Variants in KCNH8 observed in about 807,000 individuals in gnomAD.
KCNH8 encodes the protein voltage-gated delayed rectifier potassium channel KCNH8.
A neutral mutation model predicts 103.6 loss-of-function variants in KCNH8; 70 were observed. The observed-to-expected ratio is 0.68, with a 90% CI of 0.56 to 0.82. KCNH8 has a LOEUF of 0.82. Ranked by LOEUF, KCNH8 falls within the 40% of genes least tolerant of loss-of-function variation. The probability of loss-of-function intolerance (pLI) is 0.00; values close to 1 mark genes in which losing one functional copy is unlikely to be tolerated. For missense variants in KCNH8, 1,217 were observed against 1,329.9 expected (o/e 0.92, Z 1.32); for synonymous variants, 498 against 489.4 (o/e 1.02, Z -0.23).
chr3:19,384,176 G>T (rs1014110680), intron 5 of KCNH8, among the ~76,000 whole-genome samples: 1 of 152,164 alleles, frequency 6.6e-6, no homozygotes, highest in Admixed American at 6.5e-5. Flanking sequence ...AAGATCCACT[G>T]GTAGTGTGCA....
chr3:19,332,274 T>C (rs1361952697), intron 3 of KCNH8, among the ~76,000 whole-genome samples: 1 of 152,178 alleles, frequency 6.6e-6, no homozygotes, highest in African/African-American at 2.4e-5. Context: ...CTACCATCCC[T>C]AACCCTACTA....
At chr3:19,432,453 G>A (rs1487310028) in intron 7 of KCNH8, among the ~76,000 whole-genome samples, 1 of 152,082 alleles carries the variant, frequency 6.6e-6, no homozygotes, top group Non-Finnish European at 1.5e-5. Flanking sequence ...AAGGAAATTT[G>A]GGGCAGATTA....
intron 1 of KCNH8, among the ~76,000 whole-genome samples, chr3:19,173,358 T>G (rs1161512580): frequency 2.0e-5 from 3 of 152,050 alleles, no homozygotes; most frequent in Non-Finnish European, 4.4e-5. Context: ...AGTGCCCGGA[T>G]TTTTCCTAGT....
At chr3:19,464,732 C>T (rs984430868) in intron 11 of KCNH8, among the ~76,000 whole-genome samples, 1 of 152,084 alleles carries the variant, frequency 6.6e-6, no homozygotes, top group African/African-American at 2.4e-5. Context: ...AGGCACTTTT[C>T]AAGTGGCTGA....
intron 5 of KCNH8, among the ~76,000 whole-genome samples, chr3:19,372,701 G>A (rs921653612): frequency 1.3e-5 from 2 of 152,220 alleles, no homozygotes; most frequent in South Asian, 2.1e-4. Context: ...GTTTTCAAAG[G>A]GAATGCTTCC....
rs140589197 is a variant in KCNH8, at chr3:19,334,121, G to A, written c.443-8466G>A. The stretch of plus-strand genomic sequence containing the variant: ...GGCAGAGGCCCCTCATTACAGTCCC[G>A]TATGGACCGTCATTGAATGCAGGAT... On this transcript the variant is annotated intron_variant, in intron 3 of 15. Transcript: ENST00000328405. Among the ~76,000 whole-genome samples the A allele has an allele frequency of 1.2e-3, 179 of 151,754 alleles. 1 individual carries two copies. The highest frequency in any genetic ancestry group is 3.3e-3 in the African/African-American group (139 of 41,536).
intron 15 of KCNH8, among the ~76,000 whole-genome samples, chr3:19,519,662 ACAAAACAAAAAAAACACCGAAACC>A (rs1559369275): frequency 6.6e-6 from 1 of 151,734 alleles, no homozygotes; most frequent in Non-Finnish European, 1.5e-5. Flanking sequence ...AAACAAAAAA[ACAAAACAAAAAAAACACCGAAACC>A]CAAAACAAAA....
At chr3:19,513,867 C>T (rs2068829134) in intron 13 of KCNH8, among the ~76,000 whole-genome samples, 1 of 151,908 alleles carries the variant, frequency 6.6e-6, no homozygotes, top group Admixed American at 6.6e-5. Flanking sequence ...CTTTAGAATC[C>T]ACTAAAGGTG....
intron 1 of KCNH8, among the ~76,000 whole-genome samples, chr3:19,171,988 T>G (rs1024820465): frequency 1.3e-5 from 2 of 152,132 alleles, no homozygotes; most frequent in Non-Finnish European, 2.9e-5. Flanking sequence ...GTGATTCCCT[T>G]TCTCAATCAT....
intron 1 of KCNH8, among the ~76,000 whole-genome samples, chr3:19,181,851 A>T (rs905791870): frequency 2.0e-5 from 3 of 152,210 alleles, no homozygotes; most frequent in African/African-American, 7.2e-5. Flanking sequence ...TGATCTAGAA[A>T]TCTTGTTACA....
intron 1 of KCNH8, among the ~76,000 whole-genome samples, chr3:19,205,708 A>G (rs1477990858): frequency 6.6e-6 from 1 of 152,048 alleles, no homozygotes; most frequent in African/African-American, 2.4e-5. Flanking sequence ...GTCTAAAAAT[A>G]TGTATGAAAT....
At chr3:19,247,322 A>T (rs1559441306) in intron 1 of KCNH8, among the ~76,000 whole-genome samples, 1 of 152,246 alleles carries the variant, frequency 6.6e-6, no homozygotes, top group East Asian at 1.9e-4. Flanking sequence ...CTTGGAAATG[A>T]TGCAGTTAAG....
At chr3:19,206,212 C>CATACCACAGTTATATATATAT (rs2063714293) in intron 1 of KCNH8, among the ~76,000 whole-genome samples, 4 of 133,946 alleles carry the variant, frequency 3.0e-5, no homozygotes, top group African/African-American at 1.4e-4. Flanking sequence ...TGTATATATA[C>CATACCACAGTTATATATATAT]ATACCACAGT....
chr3:19,223,690 G>T (rs1056341235), intron 1 of KCNH8, among the ~76,000 whole-genome samples: 1 of 152,018 alleles, frequency 6.6e-6, no homozygotes, highest in Non-Finnish European at 1.5e-5. Flanking sequence ...GACCATTTCG[G>T]TGACATCATC....
At chr3:19,395,806 C>T (rs1267465246) in intron 7 of KCNH8, among the ~76,000 whole-genome samples, 1 of 152,006 alleles carries the variant, frequency 6.6e-6, no homozygotes, top group African/African-American at 2.4e-5. Context: ...AACACATTCT[C>T]CACATTTAGC....
rs1248326207 is a variant in KCNH8 at position 19,513,030 on chromosome 3, G to A, written c.2140G>A (p.Glu714Lys). The A allele has an allele frequency of 1.4e-5, 23 of 1,613,612 alleles. No individual in the cohort carries two copies. Among genetic ancestry groups the A allele is most frequent in the Non-Finnish European group, 1.9e-5 (22 of 1,179,848 alleles). ...ACTCCCATCCATTGTGGAAGATGAG[G>A]AAGAGGAGGAGGAGGGGGAGGAAGA... The part of the protein sequence containing the change: ...KRLPSIVEDE[E>K]EEEEGEEEEA... The change falls in exon 13 of 16, where the codon GAA (glutamate) becomes AAA (lysine). Residue 714 changes from glutamate to lysine, a missense_variant. Transcript: ENST00000328405.
rs564560085 is a variant in KCNH8, at chr3:19,200,739, C to T, written c.76+51944C>T. 3.5e-3 allele frequency among the ~76,000 whole-genome samples: 531 copies of T among 152,112 alleles called. 1 individual carries two copies. The highest frequency in any genetic ancestry group is 0.012 in the African/African-American group (497 of 41,522). ...CTTTGACCTATGAATCTCCCAAAAT[C>T]AAACTTTGATCAAACTTTAATACAC... On this transcript the variant is annotated intron_variant, in intron 1 of 15. Transcript: ENST00000328405.
At chr3:19,162,013 C>T (rs1218976918) in intron 1 of KCNH8, among the ~76,000 whole-genome samples, 1 of 152,034 alleles carries the variant, frequency 6.6e-6, no homozygotes, top group East Asian at 1.9e-4. Context: ...TGAATTATTA[C>T]TTGTAAACAA....
rs990850975 is a variant in KCNH8 at position 19,293,649 on chromosome 3, T to C, written c.442+12320T>C. Among the ~76,000 whole-genome samples the C allele has an allele frequency of 2.0e-5, 3 of 152,326 alleles. No homozygotes were observed. The East Asian group carries it at 5.8e-4, about 29-fold the overall frequency. ...GCTAATTCATCTTCAGCGATTCCGTTACATCACCCTGTTCATTGTTTTATA... is the reference window on the plus strand; with the variant it reads ...GCTAATTCATCTTCAGCGATTCCGTCACATCACCCTGTTCATTGTTTTATA... On this transcript the variant is annotated intron_variant, in intron 3 of 15. Coordinates refer to ENST00000328405, the MANE Select transcript of KCNH8 (RefSeq NM_144633.3).
Sources: allele counts gnomAD v4.1 joint callset (sites outside exome capture counted in the v4.1 genomes callset), GRCh38; gene constraint gnomAD v4.1.1; transcripts MANE v1.5; gene names NCBI Gene and HGNC (gene_info 2026-07-23, HGNC 2026-07-21).